Variants in ATP8B3 observed in about 807,000 individuals in gnomAD.
ATP8B3 encodes the protein ATPase phospholipid transporting 8B3, also known as phospholipid-transporting ATPase IK.
Under a neutral mutation model 140.9 loss-of-function variants are expected in ATP8B3, and 141 were observed. The observed-to-expected ratio is 1.00, with a 90% CI of 0.87 to 1.15. ATP8B3 has a LOEUF of 1.15. Among genes scored for constraint, ATP8B3 ranks in the 50% most tolerant of loss-of-function variants. ATP8B3 has a pLI of 0.00. For synonymous variants in ATP8B3, 765 were observed against 714.6 expected, an observed-to-expected ratio of 1.07 and a Z score of -1.13; for missense variants, 1,874 against 1,740.6, an observed-to-expected ratio of 1.08 and a Z score of -1.36.
At chr19:1,796,925 C>T (rs1316991040) in intron 15 of ATP8B3, 46 bp from the exon 16 acceptor site, 10 of 1,611,586 alleles carry the variant, frequency 6.2e-6, no homozygotes, top group African/African-American at 1.3e-5. Context: ...GGCCGCTCCC[C>T]GTGCCCCGTC....
At chr19:1,788,158 G>T (rs2068366629) in intron 24 of ATP8B3, among the ~76,000 whole-genome samples, 1 of 152,138 alleles carries the variant, frequency 6.6e-6, no homozygotes, top group South Asian at 2.1e-4. Context: ...CCTTCTCCAA[G>T]GCACCTGCTT....
chr19:1,805,940 C>A lies in ATP8B3; in HGVS notation c.769G>T (p.Ala257Ser), dbSNP rs1036693770. Residue 257 changes from alanine to serine, a missense_variant, in exon 9 of 29, where the codon GCC (alanine) becomes TCC (serine). By Grantham distance (99) the Ala-to-Ser change is moderately conservative (BLOSUM62 1). Transcript: ENST00000310127. This position sits in a 1 kb window ranked among gnomAD's most constrained non-coding sequence, Gnocchi z 5.2. ...CACAGGCTGCTGGGCTCCGTGCTGG[C>A]CAGCAAGAGCATGTCGGCCTGGTGT... Reference protein sequence around the residue: ...NIVPADMLLLASTEPSSLCYV... With the variant: ...NIVPADMLLLSSTEPSSLCYV... The A allele has an allele frequency of 6.8e-6, 11 of 1,611,040 alleles. No individual in the cohort carries two copies. The highest frequency in any genetic ancestry group is 8.5e-6 in the Non-Finnish European group (10 of 1,178,300).
Position 1,789,705 on chromosome 19 carries a change from C to T in ATP8B3, c.2501G>A (p.Arg834Gln), listed in dbSNP as rs769700422. ...CTGCGCCAGGGCGCGCGGCTCCTTCCGCAGGGACACCAGCAGTTTGTCCTG... is the reference window on the plus strand; with the variant it reads ...CTGCGCCAGGGCGCGCGGCTCCTTCTGCAGGGACACCAGCAGTTTGTCCTG... ...DFLDKLLVSL[R>Q]KEPRALAQNV... The change falls in exon 23 of 29, where the codon CGG becomes CAG. Residue 834 changes from arginine (R) to glutamine (Q), a missense_variant. Physicochemically the swap from Arg to Gln is conservative, Grantham distance 43 (BLOSUM62 1). Coordinates refer to ENST00000310127, the MANE Select transcript of ATP8B3 (RefSeq NM_138813.4). 60 of 1,580,444 alleles carry T rather than the reference C, an allele frequency of 3.8e-5. No homozygotes were observed. Among genetic ancestry groups the T allele is most frequent in the Middle Eastern group, 1.8e-4 (1 of 5,438 alleles).
chr19:1,786,387 G>A (rs766436670), intron 25 of ATP8B3, among the ~76,000 whole-genome samples: 36 of 151,964 alleles, frequency 2.4e-4, no homozygotes, highest in Non-Finnish European at 3.2e-4. Context: ...CCAACATGGC[G>A]AAATCCTGTC....
rs759797186 is a variant in ATP8B3, at chr19:1,796,103, C to T, written c.1916G>A (p.Ser639Asn). The T allele has an allele frequency of 4.3e-6, 7 of 1,613,004 alleles. No individual in the cohort carries two copies. The Admixed American group carries it at 1.2e-4, about 27-fold the overall frequency. Reference sequence around the variant, plus strand: ...CAGCACCGACATCCGTTTGCGCGTGCTGTTGAAGTCCATTATGGCCAGGAC... The same window carrying T: ...CAGCACCGACATCCGTTTGCGCGTGTTGTTGAAGTCCATTATGGCCAGGAC... ...YQVLAIMDFN[S>N]TRKRMSVLVR... is the part of the protein sequence containing the mutation. The change falls in exon 17 of 29, where the codon AGC (serine) becomes AAC (asparagine). Residue 639 changes from serine to asparagine, a missense_variant. This residue lies in a region of ATP8B3 where 1,032 missense variants were observed against 963.6 expected (regional missense o/e 1.07). Transcript: ENST00000310127.
Position 1,800,399 on chromosome 19 carries a change from A to G in ATP8B3, c.1203T>C (p.Gly401=), listed in dbSNP as rs1362760550. The G allele has an allele frequency of 6.2e-7, 1 of 1,601,120 alleles. No homozygotes were observed. Among genetic ancestry groups the G allele is most frequent in the African/African-American group, 1.3e-5 (1 of 74,344 alleles). ...GGTCTTTGAATTCTTTGACTGAGAAACCGAAGCCGAAGGCCAACACCAGGC... is the reference window on the plus strand; with the variant it reads ...GGTCTTTGAATTCTTTGACTGAGAAGCCGAAGCCGAAGGCCAACACCAGGC... ...LVCLVLAFGF[G]FSVKEFKDHH... The change falls in exon 13 of 29, where the codon GGT becomes GGC. Residue 401 remains glycine, a synonymous_variant. Coordinates refer to ENST00000310127, the MANE Select transcript of ATP8B3 (RefSeq NM_138813.4). This position sits in a 1 kb window ranked among gnomAD's most constrained non-coding sequence, Gnocchi z 4.4.
rs773900057 is a variant in ATP8B3, at chr19:1,807,247, G to A, written c.536C>T (p.Thr179Met). 59 of 1,612,514 alleles carry A rather than the reference G, an allele frequency of 3.7e-5. No individual in the cohort carries two copies. The highest frequency in any genetic ancestry group is 1.6e-4 in the Middle Eastern group (1 of 6,080). The change falls in exon 6 of 29, where the codon ACG becomes ATG. Residue 179 changes from threonine (T) to methionine (M), a missense_variant. By Grantham distance (81) the Thr-to-Met change is moderately conservative. Transcript: ENST00000310127. This position sits in a 1 kb window ranked among gnomAD's most constrained non-coding sequence, Gnocchi z 5.9. ...IILQSIPDIS[T>M]LPWFSLSTPM... ...GGTACTGAGCGAGAACCAGGGCAGC[G>A]TGGAGATGTCGGGAATGCTCTGACG...
At position 1,805,056 on chromosome 19, in the gene ATP8B3, C is replaced by T. The variant is rs1355448371; in HGVS notation, c.904+318G>A. 2.5e-6 allele frequency: 1 copy of T among 395,724 alleles called. No individual in the cohort carries two copies. Among genetic ancestry groups the T allele is most frequent in the East Asian group, 5.9e-5 (1 of 16,964 alleles). The allele number at this position is 395,724 out of a possible 1,614,324, so 24.5% of individuals were successfully genotyped here. A position where few individuals can be genotyped will look rare whatever the true frequency, so the allele number is the denominator to read the frequency against. ...GTGATGTGATCACAGCTCACTGCAG[C>T]CTCAGCCTCCCTGAGCTCAAGCGAG... On this transcript the variant is annotated intron_variant, in intron 10 of 28. Transcript: ENST00000310127. This position sits in a 1 kb window ranked among gnomAD's most constrained non-coding sequence, Gnocchi z 5.2.
chr19:1,809,648 A>G lies in ATP8B3; in HGVS notation c.397T>C (p.Tyr133His), dbSNP rs1253727509. The G allele has an allele frequency of 6.2e-7, 1 of 1,607,744 alleles. No individual in the cohort carries two copies. The highest frequency in any genetic ancestry group is 8.5e-7 in the Non-Finnish European group (1 of 1,177,468). ...GCGCGGGAGGGGCCGCCCACCTTGT[A>G]TTTCTTCCTTTGCCAGCACAGGATC... ...KVILCWQRKK[Y>H]KTNVIRTAKY... The change falls in exon 4 of 29, where the codon TAC becomes CAC. Residue 133 changes from tyrosine to histidine, a missense_variant. Around this residue, in one of 3 missense-constraint regions of ATP8B3, gnomAD observed 1,032 missense variants for 963.6 expected, o/e 1.07. Transcript: ENST00000310127.
rs781497416 is a variant in ATP8B3, at chr19:1,800,158, G to T, written c.1344-3C>A. 18 of 1,559,594 alleles carry T rather than the reference G, an allele frequency of 1.2e-5. No homozygotes were observed. Among genetic ancestry groups the T allele is most frequent in the Non-Finnish European group, 1.7e-6 (2 of 1,151,410 alleles). On this transcript the variant is annotated splice_region_variant and splice_polypyrimidine_tract_variant and intron_variant, in intron 13 of 28. Coordinates refer to ENST00000310127, the MANE Select transcript of ATP8B3 (RefSeq NM_138813.4). The surrounding 1 kb of genome is among the most constrained non-coding windows in gnomAD (Gnocchi z 4.4). ...TCCCCAGGTAGATGAACTCGGACCT[G>T]CAGAGGCACTCAGGGTCACGGTCAG...
chr19:1,796,837 G>A lies in ATP8B3; in HGVS notation c.1627C>T (p.Leu543Phe), dbSNP rs1486661464. ...LWNKFADGKLLFHNAALLHLV... is the reference protein window; with the variant it reads ...LWNKFADGKLFFHNAALLHLV... ...TGCAGCAGGGCCGCATTGTGGAAGAGCAGCTTCCCGTCGGCGAACTTGTTC... is the reference window on the plus strand; with the variant it reads ...TGCAGCAGGGCCGCATTGTGGAAGAACAGCTTCCCGTCGGCGAACTTGTTC... Residue 543 changes from leucine (L) to phenylalanine (F), a missense_variant, in exon 16 of 29, where the codon CTC (leucine) becomes TTC (phenylalanine). Physicochemically the swap from Leu to Phe is conservative, Grantham distance 22 (BLOSUM62 0). This residue lies in a region of ATP8B3 where 1,032 missense variants were observed against 963.6 expected (regional missense o/e 1.07). Coordinates refer to ENST00000310127, the MANE Select transcript of ATP8B3 (RefSeq NM_138813.4). The A allele has an allele frequency of 6.2e-7, 1 of 1,612,436 alleles. No individual in the cohort carries two copies. The highest frequency in any genetic ancestry group is 1.3e-5 in the African/African-American group (1 of 74,916).
At position 1,789,358 on chromosome 19, in the gene ATP8B3, C is replaced by G; in HGVS notation, c.2845+3G>C. ...CACCCCCAGCCCCGCCGCCGCCACC[C>G]ACTCTTGATCATGTTGATGTCGTTG... is the stretch of plus-strand genomic sequence containing the variant. On this transcript the variant is annotated splice_donor_region_variant and intron_variant, in intron 23 of 28. Coordinates refer to ENST00000310127, the MANE Select transcript of ATP8B3 (RefSeq NM_138813.4). 2 of 1,531,346 alleles carry G rather than the reference C, an allele frequency of 1.3e-6. No individual in the cohort carries two copies. The highest frequency in any genetic ancestry group is 1.8e-6 in the Non-Finnish European group (2 of 1,139,106). 94.9% of individuals were successfully genotyped at this position (1,531,346 alleles called of 1,614,324 possible).
At chr19:1,812,081 C>T (rs2069205653) in intron 1 of ATP8B3, 105 bp downstream of exon 1, 1 of 239,526 alleles carries the variant, frequency 4.2e-6, no homozygotes, top group Non-Finnish European at 8.0e-6. Context: ...TAGGGGCGCG[C>T]TCTCCACCCC....
In ATP8B3 at chr19:1,800,146, G is replaced by A. The variant is rs2068798361; in HGVS notation, c.1353C>T (p.Phe451=). ...TGAAGACGCTGTTCCCCAGGTAGAT[G>A]AACTCGGACCTGCAGAGGCACTCAG... The part of the protein sequence containing the change: ...IPMSMFILSE[F]IYLGNSVFID... Residue 451 remains phenylalanine (F), a synonymous_variant, in exon 14 of 29, where the codon TTC becomes TTT. Transcript: ENST00000310127. The surrounding 1 kb of genome is among the most constrained non-coding windows in gnomAD (Gnocchi z 4.4). 6.4e-7 allele frequency: 1 copy of A among 1,558,122 alleles called. No homozygotes were observed. The highest frequency in any genetic ancestry group is 1.4e-5 in the African/African-American group (1 of 73,752).
intron 18 of ATP8B3, among the ~76,000 whole-genome samples, chr19:1,795,275 G>C (rs1046961937): frequency 6.6e-6 from 1 of 150,824 alleles, no homozygotes; most frequent in Non-Finnish European, 1.5e-5. Flanking sequence ...AGGCAGGCTG[G>C]GCGCGATGGC....
rs1027487329 is a variant in ATP8B3 at position 1,795,912 on chromosome 19, C to G, written c.2018G>C (p.Arg673Thr). The change falls in exon 18 of 29, where the codon AGG (arginine) becomes ACG (threonine). Residue 673 changes from arginine (R) to threonine (T), a missense_variant. Physicochemically the swap from Arg to Thr is moderately conservative, Grantham distance 71. Around this residue, in one of 3 missense-constraint regions of ATP8B3, gnomAD observed 1,032 missense variants for 963.6 expected, o/e 1.07. Coordinates refer to ENST00000310127, the MANE Select transcript of ATP8B3 (RefSeq NM_138813.4). ...DTVIFERLHR[R>T]GAMEFATEEA... is the part of the protein sequence containing the mutation. ...CTCTGTGGCAAATTCCATTGCCCCC[C>G]TCCTGTGCAAGCGTTCGAAGATGAC... The G allele has an allele frequency of 6.2e-7, 1 of 1,613,202 alleles. No homozygotes were observed. Among genetic ancestry groups the G allele is most frequent in the Non-Finnish European group, 8.5e-7 (1 of 1,179,828 alleles).
At chr19:1,797,392 C>G (rs2068713679) in intron 14 of ATP8B3, among the ~76,000 whole-genome samples, 1 of 152,232 alleles carries the variant, frequency 6.6e-6, no homozygotes, top group South Asian at 2.1e-4. Flanking sequence ...CCCAAAAGGA[C>G]AGCCTGGAGC....
Position 1,805,804 on chromosome 19 carries a change from G to T in ATP8B3, c.821+84C>A. 2 of 1,543,790 alleles carry T rather than the reference G, an allele frequency of 1.3e-6. No individual in the cohort carries two copies. Among genetic ancestry groups the T allele is most frequent in the Non-Finnish European group, 1.8e-6 (2 of 1,125,018 alleles). The stretch of plus-strand genomic sequence containing the variant: ...AGTCTCTGAGCGACCTTGGCTGGCC[G>T]CCTCCTTGGTGACTGGGGAAGGGGG... On this transcript the variant is annotated intron_variant, in intron 9 of 28. Coordinates refer to ENST00000310127, the MANE Select transcript of ATP8B3 (RefSeq NM_138813.4). The surrounding 1 kb of genome is among the most constrained non-coding windows in gnomAD (Gnocchi z 5.2).
In ATP8B3 at chr19:1,794,753, C is replaced by T. The variant is rs1825892774; in HGVS notation, c.2055+1122G>A. On this transcript the variant is annotated intron_variant, in intron 18 of 28. Transcript: ENST00000310127. The surrounding 1 kb of genome is among the most constrained non-coding windows in gnomAD (Gnocchi z 4.8). Reference sequence around the variant, plus strand: ...GCAGCACCTGAGAGTGGGGAAGTCACAAGCCAGAAACTGGGTCCTAGGGAG... The same window carrying T: ...GCAGCACCTGAGAGTGGGGAAGTCATAAGCCAGAAACTGGGTCCTAGGGAG... 6.6e-6 allele frequency among the ~76,000 whole-genome samples: 1 copy of T among 152,124 alleles called. No homozygotes were observed. The highest frequency in any genetic ancestry group is 2.1e-4 in the South Asian group (1 of 4,834).
Sources: gnomAD v4.1 joint callset for allele counts (sites outside exome capture counted in the v4.1 genomes callset) on GRCh38, gnomAD v4.1.1 for gene constraint, gnomAD v4.1.1 regional missense constraint, Gnocchi (gnomAD v3.1) non-coding constraint, MANE v1.5 for transcripts, NCBI Gene and HGNC (gene_info 2026-07-23, HGNC 2026-07-21) for gene names.